NTM: variants seen among roughly 807,000 people sequenced by gnomAD.
The protein encoded by NTM is neurotrimin.
NTM carries 13 observed loss-of-function variants against 42.1 expected under a neutral mutation model. The observed-to-expected ratio is 0.31, with a 90% CI of 0.20 to 0.49. NTM has a LOEUF of 0.49. Among genes scored for constraint, NTM ranks in the 20% least tolerant of loss-of-function variants. NTM has a pLI of 0.99. For synonymous variants in NTM, 187 were observed against 179.2 expected, an observed-to-expected ratio of 1.04 and a Z score of -0.35; for missense variants, 373 against 452.8, an observed-to-expected ratio of 0.82 and a Z score of 1.60.
intron 1 of NTM, among the ~76,000 whole-genome samples, chr11:131,678,535 A>G (rs868185734): frequency 6.6e-6 from 1 of 152,224 alleles, no homozygotes; most frequent in Non-Finnish European, 1.5e-5. Context: ...TCCCTCTCCC[A>G]GTGTGGAGCT....
intron 1 of NTM, among the ~76,000 whole-genome samples, chr11:131,855,369 A>G (rs2045987271): frequency 6.6e-6 from 1 of 152,188 alleles, no homozygotes; most frequent in African/African-American, 2.4e-5. Context: ...GCCTCTCCAT[A>G]CCACACTCAG....
At chr11:131,475,627 T>C (rs1177691551) in intron 1 of NTM, among the ~76,000 whole-genome samples, 7 of 152,088 alleles carry the variant, frequency 4.6e-5, no homozygotes, top group African/African-American at 1.7e-4. Flanking sequence ...TTTAGATCAC[T>C]TAAAATGAGG....
intron 1 of NTM, among the ~76,000 whole-genome samples, chr11:131,843,280 T>C (rs1251419168): frequency 6.6e-6 from 1 of 152,156 alleles, no homozygotes; most frequent in East Asian, 1.9e-4. Context: ...AATTATGAAG[T>C]TATCAGATTT....
intron 7 of NTM, among the ~76,000 whole-genome samples, chr11:132,322,987 CA>C (rs2095603691): frequency 7.2e-6 from 1 of 137,956 alleles, no homozygotes; most frequent in African/African-American, 2.7e-5. Flanking sequence ...CCAATGAGAA[CA>C]AAGACACAAC....
At chr11:131,575,114 G>T (rs1412518030) in intron 1 of NTM, among the ~76,000 whole-genome samples, 1 of 152,206 alleles carries the variant, frequency 6.6e-6, no homozygotes, top group South Asian at 2.1e-4. Context: ...GGGGATAAAG[G>T]CTCCATAATT....
chr11:132,067,987 A>C (rs2056776344), intron 2 of NTM, among the ~76,000 whole-genome samples: 1 of 152,208 alleles, frequency 6.6e-6, no homozygotes, highest in Admixed American at 6.5e-5. Context: ...TATGTGTCAT[A>C]GGGATTCATA....
chr11:132,228,587 C>G (rs2086802995), intron 4 of NTM, among the ~76,000 whole-genome samples: 1 of 152,218 alleles, frequency 6.6e-6, no homozygotes, highest in Non-Finnish European at 1.5e-5. Flanking sequence ...TAGCTTCCAT[C>G]CCTCTCTGTA....
rs201069325 is a variant in NTM at position 131,878,594 on chromosome 11, AATATATATAT to A, written c.83-32932_83-32923del. On this transcript the variant is annotated intron_variant, in intron 1 of 8. Coordinates refer to ENST00000683400, the MANE Select transcript of NTM (RefSeq NM_001352005.2). ...CAAAAAAAAAAAAAAAAAAAAAAAA[AATATATATAT>A]ATATATATATATATATATATATATA... Among the ~76,000 whole-genome samples, 70 of 19,312 alleles carry A rather than the reference AATATATATAT, an allele frequency of 3.6e-3. 1 individual carries two copies. The highest frequency in any genetic ancestry group is 6.6e-3 in the African/African-American group (39 of 5,948). The allele number at this position is 19,312 out of a possible 152,430, so 12.7% of individuals were successfully genotyped here. A position where few individuals can be genotyped will look rare whatever the true frequency, so the allele number is the denominator to read the frequency against.
intron 2 of NTM, among the ~76,000 whole-genome samples, chr11:131,967,797 C>A (rs1163543969): frequency 6.6e-6 from 1 of 152,104 alleles, no homozygotes; most frequent in Non-Finnish European, 1.5e-5. Context: ...GAAATAGAGA[C>A]AAGGTTTTCA....
At chr11:131,610,262 C>T (rs759077778) in intron 1 of NTM, among the ~76,000 whole-genome samples, 1 of 152,174 alleles carries the variant, frequency 6.6e-6, no homozygotes, top group African/African-American at 2.4e-5. Flanking sequence ...TGCTGCAAGC[C>T]CCTCATGGGT....
chr11:131,535,462 CA>C (rs1591971079), intron 1 of NTM: 1 of 152,264 alleles, frequency 6.6e-6, no homozygotes, highest in East Asian at 1.9e-4. Context: ...ATAAAACAAG[CA>C]AATATTTCTA....
intron 1 of NTM, among the ~76,000 whole-genome samples, chr11:131,570,779 C>T (rs1217934886): frequency 1.3e-5 from 2 of 152,180 alleles, no homozygotes; most frequent in African/African-American, 4.8e-5. Flanking sequence ...GCCAAGATGG[C>T]GCCACTGCAC....
At chr11:132,155,509 C>T (rs532375956) in intron 3 of NTM, among the ~76,000 whole-genome samples, 39 of 152,308 alleles carry the variant, frequency 2.6e-4, no homozygotes, top group African/African-American at 9.4e-4. Context: ...GGGTCGCATC[C>T]CGTTTCTCCA....
At chr11:131,439,651 T>G (rs1949443534) in intron 1 of NTM, among the ~76,000 whole-genome samples, 2 of 152,242 alleles carry the variant, frequency 1.3e-5, no homozygotes. Flanking sequence ...TGCTGTTTGC[T>G]AAGACCATTG....
intron 3 of NTM, among the ~76,000 whole-genome samples, chr11:132,182,596 T>C (rs2048707891): frequency 6.6e-6 from 1 of 151,952 alleles, no homozygotes; most frequent in Non-Finnish European, 1.5e-5. Context: ...AAAGTAATAA[T>C]GAGGGGTGAG....
intron 3 of NTM, among the ~76,000 whole-genome samples, chr11:132,188,289 T>G (rs551211465): frequency 6.6e-6 from 1 of 152,260 alleles, no homozygotes; most frequent in South Asian, 2.1e-4. Context: ...CCCAAACGCC[T>G]CCTTTTATAG....
chr11:132,221,772 G>T (rs966321963), intron 4 of NTM, among the ~76,000 whole-genome samples: 1 of 152,134 alleles, frequency 6.6e-6, no homozygotes, highest in Non-Finnish European at 1.5e-5. Context: ...TAATAAGTAG[G>T]CATTATTTTT....
intron 2 of NTM, among the ~76,000 whole-genome samples, chr11:132,126,054 C>T (rs2065786812): frequency 6.6e-6 from 1 of 152,008 alleles, no homozygotes; most frequent in South Asian, 2.1e-4. Flanking sequence ...GGTCCCCAGG[C>T]GCCCCTGCGC....
At chr11:132,050,439 A>G (rs920119808) in intron 2 of NTM, among the ~76,000 whole-genome samples, 3 of 152,160 alleles carry the variant, frequency 2.0e-5, no homozygotes, top group African/African-American at 7.2e-5. Context: ...TTGGGGGGAA[A>G]GGGGCTGGGC....
Sources: allele counts gnomAD v4.1 joint callset (sites outside exome capture counted in the v4.1 genomes callset), GRCh38; gene constraint gnomAD v4.1.1; transcripts MANE v1.5; gene names NCBI Gene and HGNC (gene_info 2026-07-23, HGNC 2026-07-21).